Variants in TMPRSS15 observed in about 807,000 individuals in gnomAD.
TMPRSS15 encodes enteropeptidase.
A neutral mutation model predicts 125.3 loss-of-function variants in TMPRSS15; 128 were observed. That is an observed-to-expected ratio of 1.02 (90% CI 0.89 to 1.18). The LOEUF is 1.18. Ranked by LOEUF, TMPRSS15 falls within the 50% of genes most tolerant of loss-of-function variation. The pLI is 0.00. For synonymous variants in TMPRSS15, 446 were observed against 423.2 expected (o/e 1.05, Z -0.66); for missense variants, 1,283 against 1,212.7 (o/e 1.06, Z -0.86).
At chr21:18,298,453 C>T (rs766573382) in intron 18 of TMPRSS15, among the ~76,000 whole-genome samples, 4 of 152,192 alleles carry the variant, frequency 2.6e-5, no homozygotes, top group African/African-American at 4.8e-5. Context: ...TGGCGAGGCA[C>T]CACAGGGTGG....
intron 1 of TMPRSS15, among the ~76,000 whole-genome samples, chr21:18,451,947 A>C (rs149359236): frequency 7.2e-5 from 11 of 152,308 alleles, no homozygotes; most frequent in Admixed American, 2.0e-4. Context: ...ATGCAAACTT[A>C]TGCATGCATA....
chr21:18,323,108 A>G (rs370224351), intron 16 of TMPRSS15, among the ~76,000 whole-genome samples: 6 of 152,188 alleles, frequency 3.9e-5, no homozygotes, highest in Admixed American at 6.5e-5. Context: ...TCCTCTTTTC[A>G]AGTCTTTTCT....
intron 1 of TMPRSS15, among the ~76,000 whole-genome samples, chr21:18,462,748 G>A (rs1300224163): frequency 6.6e-6 from 1 of 151,934 alleles, no homozygotes; most frequent in East Asian, 1.9e-4. Flanking sequence ...AGAAAATCAC[G>A]CATTTAAGAT....
intron 24 of TMPRSS15, among the ~76,000 whole-genome samples, chr21:18,270,782 GATTTT>G (rs1465415470): frequency 6.6e-6 from 1 of 152,014 alleles, no homozygotes; most frequent in Non-Finnish European, 1.5e-5. Context: ...AAATTTCATA[GATTTT>G]ATTTGCACGT....
chr21:18,314,616 T>A (rs1434888375), intron 17 of TMPRSS15, among the ~76,000 whole-genome samples: 1 of 152,156 alleles, frequency 6.6e-6, no homozygotes. Context: ...TTTTTTTAAC[T>A]TAGTTACAGT....
intron 1 of TMPRSS15, among the ~76,000 whole-genome samples, chr21:18,399,702 C>T (rs569404446): frequency 2.4e-3 from 362 of 152,090 alleles, no homozygotes; most frequent in Middle Eastern, 0.014. Context: ...TGTGGATAAA[C>T]GAAATATTAA....
intron 5 of TMPRSS15, among the ~76,000 whole-genome samples, chr21:18,376,655 C>G (rs1240850665): frequency 1.3e-5 from 2 of 152,170 alleles, no homozygotes; most frequent in African/African-American, 4.8e-5. Flanking sequence ...CTAGAACAAG[C>G]TGTAGTGTAG....
intron 16 of TMPRSS15, among the ~76,000 whole-genome samples, chr21:18,321,447 G>A (rs1009103779): frequency 7.1e-6 from 1 of 141,390 alleles, no homozygotes; most frequent in Non-Finnish European, 1.5e-5. Flanking sequence ...CCACCTCCCG[G>A]GTTCACGCCA....
At chr21:18,296,529 T>A (rs2074909718) in intron 19 of TMPRSS15, among the ~76,000 whole-genome samples, 1 of 152,198 alleles carries the variant, frequency 6.6e-6, no homozygotes, top group Admixed American at 6.6e-5. Context: ...AATAGTGACG[T>A]CAATGGAAAA....
chr21:18,482,123 T>C (rs1047513859), intron 1 of TMPRSS15, among the ~76,000 whole-genome samples: 2 of 151,406 alleles, frequency 1.3e-5, no homozygotes, highest in Non-Finnish European at 3.0e-5. Context: ...ATATACTTAT[T>C]GTATTGCTTC....
intron 1 of TMPRSS15, among the ~76,000 whole-genome samples, chr21:18,426,086 T>G (rs1169563869): frequency 6.6e-6 from 1 of 152,186 alleles, no homozygotes; most frequent in African/African-American, 2.4e-5. Context: ...GTCTTCCTTT[T>G]CTTTTCCAGC....
intron 16 of TMPRSS15, among the ~76,000 whole-genome samples, chr21:18,322,885 T>A (rs1040588134): frequency 2.6e-5 from 4 of 152,204 alleles, no homozygotes; most frequent in Non-Finnish European, 1.5e-5. Flanking sequence ...TTTGGAATAT[T>A]CCTAACACTT....
chr21:18,277,745 T>A lies in TMPRSS15; in HGVS notation c.2764+1219A>T, dbSNP rs141608930. 4.4e-3 allele frequency among the ~76,000 whole-genome samples: 670 copies of A among 152,334 alleles called. 3 individuals carry two copies. Among genetic ancestry groups the A allele is most frequent in the African/African-American group, 0.015 (628 of 41,566 alleles). The stretch of plus-strand genomic sequence containing the variant: ...CACAAGATTTTCTGCATTTTCATCT[T>A]AAATACATTTAGGACTTTTAAACAT... On this transcript the variant is annotated intron_variant, in intron 23 of 24. Coordinates refer to ENST00000284885, the MANE Select transcript of TMPRSS15 (RefSeq NM_002772.3).
intron 1 of TMPRSS15, among the ~76,000 whole-genome samples, chr21:18,467,298 C>T (rs1431058295): frequency 6.6e-6 from 1 of 151,836 alleles, no homozygotes; most frequent in African/African-American, 2.4e-5. Flanking sequence ...AGGAGAAATA[C>T]CTAATGTAGA....
rs145479717 is a variant in TMPRSS15 at position 18,346,011 on chromosome 21, A to G, written c.1172-1951T>C. 2.3e-3 allele frequency among the ~76,000 whole-genome samples: 346 copies of G among 152,116 alleles called. 1 individual carries two copies. The highest frequency in any genetic ancestry group is 7.9e-3 in the African/African-American group (328 of 41,540). On this transcript the variant is annotated intron_variant, in intron 10 of 24. Transcript: ENST00000284885. Reference sequence around the variant, plus strand: ...TTTGTCAGTGATCAAGTAAAACATAATTAATTATGTAGACTATAGTACCTT... The same window carrying G: ...TTTGTCAGTGATCAAGTAAAACATAGTTAATTATGTAGACTATAGTACCTT...
At chr21:18,300,200 C>T (rs1318701574) in intron 18 of TMPRSS15, among the ~76,000 whole-genome samples, 1 of 68,828 alleles carries the variant, frequency 1.5e-5, no homozygotes, top group East Asian at 3.3e-4. Context: ...CTTTCTTTCT[C>T]TTTCTTTCTT....
At chr21:18,357,258 T>C (rs1378670452) in intron 8 of TMPRSS15, among the ~76,000 whole-genome samples, 1 of 151,902 alleles carries the variant, frequency 6.6e-6, no homozygotes, top group African/African-American at 2.4e-5. Flanking sequence ...TTGAAATAAC[T>C]TTCCCAGCAC....
chr21:18,442,804 C>T (rs539652529), intron 1 of TMPRSS15, among the ~76,000 whole-genome samples: 1 of 152,226 alleles, frequency 6.6e-6, no homozygotes, highest in African/African-American at 2.4e-5. Flanking sequence ...AGGGTTAATG[C>T]AGTGTTCTGA....
At chr21:18,297,979 T>C in intron 18 of TMPRSS15, 150 bp from the exon 19 acceptor site, 1 of 614,154 alleles carries the variant, frequency 1.6e-6, no homozygotes, top group Non-Finnish European at 2.9e-6. Context: ...AAACTTCATG[T>C]GTTTTCCTAT....
Sources: allele counts gnomAD v4.1 joint callset (sites outside exome capture counted in the v4.1 genomes callset), GRCh38; gene constraint gnomAD v4.1.1; transcripts MANE v1.5; gene names NCBI Gene and HGNC (gene_info 2026-07-23, HGNC 2026-07-21).